Variants in ABCD3 observed in about 807,000 individuals in gnomAD.
ABCD3 encodes the protein ATP binding cassette subfamily D member 3, also known as ATP-binding cassette sub-family D member 3.
Under a neutral mutation model 105.5 loss-of-function variants are expected in ABCD3, and 41 were observed. The observed-to-expected ratio is 0.39, with a 90% confidence interval of 0.30 to 0.50. The LOEUF (loss-of-function observed/expected upper bound fraction) is 0.50, where lower values mean the gene tolerates loss of function less well. ABCD3 is among the 20% of genes least tolerant of loss of function. The pLI is 0.84. For missense variants in ABCD3, 622 were observed against 806.3 expected, an observed-to-expected ratio of 0.77 and a Z score of 2.77; for synonymous variants, 258 against 269.0, an observed-to-expected ratio of 0.96 and a Z score of 0.40.
At chr1:94,421,562 A>ATGTGTG (rs3073023) in intron 1 of ABCD3, among the ~76,000 whole-genome samples, 5,024 of 148,834 alleles carry the variant, frequency 0.034, 97 homozygotes, top group Non-Finnish European at 0.046. Flanking sequence ...GAGCTATAAG[A>ATGTGTG]TGTGTGTGTG....
intron 2 of ABCD3, 68 bp from the exon 3 acceptor site, chr1:94,464,707 C>G (rs1360361177): frequency 7.4e-7 from 1 of 1,358,616 alleles, no homozygotes; most frequent in Non-Finnish European, 1.1e-6. Flanking sequence ...TTAGATGAAA[C>G]ATGGTTCTTT....
chr1:94,492,881 A>G lies in ABCD3; in HGVS notation c.1386+1634A>G, dbSNP rs1366513179. Among the ~76,000 whole-genome samples, 2 of 152,214 alleles carry G rather than the reference A, an allele frequency of 1.3e-5. 1 individual carries two copies. Among genetic ancestry groups the G allele is most frequent in the South Asian group, 4.1e-4 (2 of 4,838 alleles). ...TATTTTGTCTTGATGTTACCACACT[A>G]AAGCTGTCACTTTCTTTTTAGTTCA... On this transcript the variant is annotated intron_variant, in intron 16 of 22. Transcript: ENST00000370214.
Position 94,517,025 on chromosome 1 carries a change from ACTTTTTTTCCCCCTTCTTTCCCAT to A in ABCD3, c.1903-26_1903-3del. 6.6e-7 allele frequency: 1 copy of A among 1,504,496 alleles called. No homozygotes were observed. Among genetic ancestry groups the A allele is most frequent in the Non-Finnish European group, 9.3e-7 (1 of 1,080,868 alleles). 93.2% of individuals were successfully genotyped at this position (1,504,496 alleles called of 1,614,324 possible). A position where few individuals can be genotyped will look rare whatever the true frequency, so the allele number is the denominator to read the frequency against. ...GTACTATATTCACTCTTAGTTACTGACTTTTTTTCCCCCTTCTTTCCCATAGTACTACCTGCATATGGATGGCAG... is the reference window on the plus strand; with the variant it reads ...GTACTATATTCACTCTTAGTTACTGAAGTACTACCTGCATATGGATGGCAG... On this transcript the variant is annotated splice_region_variant and splice_polypyrimidine_tract_variant and intron_variant, in intron 22 of 22. Coordinates refer to ENST00000370214, the MANE Select transcript of ABCD3 (RefSeq NM_002858.4).
At chr1:94,491,423 A>G (rs552542321) in intron 16 of ABCD3, among the ~76,000 whole-genome samples, 176 bp downstream of exon 16, 37 of 152,222 alleles carry the variant, frequency 2.4e-4, no homozygotes, top group African/African-American at 8.7e-4. Context: ...AATTGACAGG[A>G]CTTCAAAATT....
chr1:94,492,308 A>T (rs1649572070), intron 16 of ABCD3, among the ~76,000 whole-genome samples: 1 of 152,102 alleles, frequency 6.6e-6, no homozygotes, highest in Non-Finnish European at 1.5e-5. Context: ...GAATATAATT[A>T]TTGGACTTGT....
At chr1:94,419,521 C>G (rs974258711) in intron 1 of ABCD3, among the ~76,000 whole-genome samples, 2 of 152,166 alleles carry the variant, frequency 1.3e-5, no homozygotes, top group Non-Finnish European at 2.9e-5. Flanking sequence ...GAAAAGGCTA[C>G]TTCCCAAGCG....
intron 4 of ABCD3, among the ~76,000 whole-genome samples, chr1:94,471,685 G>A (rs1378376529): frequency 3.3e-5 from 5 of 151,874 alleles, no homozygotes; most frequent in African/African-American, 7.3e-5. Context: ...TTGTACATTC[G>A]TACAGGATAA....
intron 20 of ABCD3, among the ~76,000 whole-genome samples, chr1:94,506,311 G>A (rs1650346122): frequency 6.6e-6 from 1 of 152,116 alleles, no homozygotes; most frequent in African/African-American, 2.4e-5. Context: ...TTTACTCTGA[G>A]CAATTAGTAT....
intron 21 of ABCD3, among the ~76,000 whole-genome samples, chr1:94,511,785 G>A (rs1650685752): frequency 1.3e-5 from 2 of 151,682 alleles, no homozygotes; most frequent in African/African-American, 2.4e-5. Flanking sequence ...TGATCACATC[G>A]GCTCCTGAGG....
At chr1:94,421,321 A>G (rs1300548177) in intron 1 of ABCD3, among the ~76,000 whole-genome samples, 5 of 152,168 alleles carry the variant, frequency 3.3e-5, no homozygotes, top group Admixed American at 2.6e-4. Flanking sequence ...ACACATCCCT[A>G]TGACAAATTA....
intron 16 of ABCD3, among the ~76,000 whole-genome samples, chr1:94,497,143 C>T (rs369407256): frequency 2.0e-5 from 3 of 152,254 alleles, no homozygotes; most frequent in South Asian, 2.1e-4. Flanking sequence ...CTCCCAAGTT[C>T]CCTTTGTCTG....
At chr1:94,397,289 CATTTCA>C in the ABCD3 span, among the ~76,000 whole-genome samples, 1 of 152,184 alleles carries the variant, frequency 6.6e-6, no homozygotes, top group Admixed American at 6.5e-5. Context: ...CCACAGACTT[CATTTCA>C]ATTTCCCCAG....
chr1:94,455,544 C>T (rs1223358848), intron 1 of ABCD3, among the ~76,000 whole-genome samples: 1 of 152,100 alleles, frequency 6.6e-6, no homozygotes, highest in Non-Finnish European at 1.5e-5. Context: ...AGGCTGGTCT[C>T]AAACTCCCGA....
chr1:94,437,452 C>G (rs1273954278), intron 1 of ABCD3, among the ~76,000 whole-genome samples: 1 of 152,188 alleles, frequency 6.6e-6, no homozygotes, highest in African/African-American at 2.4e-5. Flanking sequence ...ACCTGGATAG[C>G]AGCACGTCTG....
At chr1:94,401,013 G>A in the ABCD3 span, among the ~76,000 whole-genome samples, 1 of 152,324 alleles carries the variant, frequency 6.6e-6, no homozygotes, top group South Asian at 2.1e-4. Flanking sequence ...ACCTTGCTAT[G>A]TGATACCTTG....
chr1:94,428,044 G>A (rs1659532152), intron 1 of ABCD3, among the ~76,000 whole-genome samples: 1 of 151,194 alleles, frequency 6.6e-6, no homozygotes, highest in African/African-American at 2.4e-5. Context: ...GCCTTCTTAG[G>A]TAAAATAGGA....
At chr1:94,475,043 A>G in intron 5 of ABCD3, 100 bp from the exon 6 acceptor site, 1 of 794,672 alleles carries the variant, frequency 1.3e-6, no homozygotes. Flanking sequence ...AATTATAAAA[A>G]TTGTAGGATT....
intron 1 of ABCD3, among the ~76,000 whole-genome samples, chr1:94,454,250 T>C (rs1366457111): frequency 6.6e-6 from 1 of 152,060 alleles, no homozygotes; most frequent in Non-Finnish European, 1.5e-5. Context: ...GGAAAGAGCA[T>C]AGAGAGAGAT....
intron 1 of ABCD3, among the ~76,000 whole-genome samples, chr1:94,431,419 TAA>T (rs758364110): frequency 2.0e-5 from 3 of 152,138 alleles, no homozygotes; most frequent in Non-Finnish European, 4.4e-5. Context: ...GATGTTAAGC[TAA>T]AAAGTAAATT....
Sources: allele counts gnomAD v4.1 joint callset (sites outside exome capture counted in the v4.1 genomes callset), GRCh38; gene constraint gnomAD v4.1.1; transcripts MANE v1.5; gene names NCBI Gene and HGNC (gene_info 2026-07-23, HGNC 2026-07-21).